The following ZCWPW2 variants were observed in gnomAD, a reference collection of about 807,000 sequenced individuals.
ZCWPW2 encodes the protein zinc finger CW-type PWWP domain protein 2.
In ZCWPW2, 45 loss-of-function variants were observed where a neutral mutation model predicts 46.6. The observed-to-expected ratio is 0.96, with a 90% CI of 0.76 to 1.24. The LOEUF (loss-of-function observed/expected upper bound fraction) is 1.24, where lower values mean the gene tolerates loss of function less well. Ranked by LOEUF, ZCWPW2 falls within the 50% of genes most tolerant of loss-of-function variation. ZCWPW2 has a pLI of 0.00. For synonymous variants in ZCWPW2, 152 were observed against 137.1 expected (o/e 1.11, Z -0.76); for missense variants, 429 against 403.9 (o/e 1.06, Z -0.53).
chr3:28,363,881 T>C (rs1705028057), intron 1 of ZCWPW2, among the ~76,000 whole-genome samples: 2 of 152,166 alleles, frequency 1.3e-5, no homozygotes, highest in South Asian at 4.1e-4. Context: ...CATCTAGCCC[T>C]CTGTGGTGGT....
intron 1 of ZCWPW2, among the ~76,000 whole-genome samples, chr3:28,358,313 C>T (rs1704816373): frequency 6.6e-6 from 1 of 152,112 alleles, no homozygotes; most frequent in Admixed American, 6.5e-5. Flanking sequence ...GCCTCTTTCT[C>T]CACCAGCTCT....
chr3:28,417,725 A>C (rs2125745454), intron 3 of ZCWPW2, among the ~76,000 whole-genome samples: 1 of 110,850 alleles, frequency 9.0e-6, no homozygotes, highest in Non-Finnish European at 1.8e-5. Context: ...GAAAATCAAT[A>C]AACGTACTCC....
At chr3:28,349,936 T>C (rs1704476340) in intron 1 of ZCWPW2, among the ~76,000 whole-genome samples, 1 of 152,190 alleles carries the variant, frequency 6.6e-6, no homozygotes, top group Non-Finnish European at 1.5e-5. Context: ...TATTGTCTTT[T>C]TTGGTTTAGA....
chr3:28,436,703 A>G (rs978980923), intron 4 of ZCWPW2, among the ~76,000 whole-genome samples: 1 of 152,156 alleles, frequency 6.6e-6, no homozygotes, highest in African/African-American at 2.4e-5. Flanking sequence ...TAAGTATGGA[A>G]TAACACCATA....
At chr3:28,480,587 A>C (rs1699392189) in intron 5 of ZCWPW2, among the ~76,000 whole-genome samples, 1 of 152,288 alleles carries the variant, frequency 6.6e-6, no homozygotes, top group South Asian at 2.1e-4. Flanking sequence ...TGGTTTAATT[A>C]GATCACATTT....
intron 1 of ZCWPW2, among the ~76,000 whole-genome samples, chr3:28,367,804 A>T (rs946252913): frequency 1.3e-5 from 2 of 151,958 alleles, no homozygotes; most frequent in Non-Finnish European, 2.9e-5. Context: ...GTCTCTAAGG[A>T]CTTGCTTTAT....
chr3:28,355,797 A>G (rs1704709975), intron 1 of ZCWPW2, among the ~76,000 whole-genome samples: 1 of 152,268 alleles, frequency 6.6e-6, no homozygotes, highest in Non-Finnish European at 1.5e-5. Flanking sequence ...GGCTAGCCAT[A>G]TGTAAAAGCT....
At chr3:28,489,640 T>C (rs2125814598) in intron 5 of ZCWPW2, among the ~76,000 whole-genome samples, 1 of 146,770 alleles carries the variant, frequency 6.8e-6, no homozygotes, top group Admixed American at 7.1e-5. Flanking sequence ...TCTCTCTTTC[T>C]TTCTCTCTCT....
At chr3:28,501,924 T>A (rs1285689009) in intron 6 of ZCWPW2, among the ~76,000 whole-genome samples, 1 of 151,776 alleles carries the variant, frequency 6.6e-6, no homozygotes, top group Non-Finnish European at 1.5e-5. Flanking sequence ...AATATTTGTA[T>A]TTTTTTTGTA....
At chr3:28,394,989 T>C (rs1176386583) in intron 2 of ZCWPW2, among the ~76,000 whole-genome samples, 2 of 152,140 alleles carry the variant, frequency 1.3e-5, no homozygotes, top group African/African-American at 4.8e-5. Context: ...TGGGAGAAAG[T>C]ATTTGTAAGC....
At chr3:28,384,874 C>T (rs1027723854) in intron 1 of ZCWPW2, among the ~76,000 whole-genome samples, 15 of 152,146 alleles carry the variant, frequency 9.9e-5, no homozygotes, top group African/African-American at 3.6e-4. Context: ...CCTTGGCCTC[C>T]CAAAGTGTTG....
Position 28,374,177 on chromosome 3 carries a change from T to C in ZCWPW2, c.-133-16321T>C, listed in dbSNP as rs116262382. On this transcript the variant is annotated intron_variant, in intron 1 of 9. Coordinates refer to ENST00000383768, the MANE Select transcript of ZCWPW2 (RefSeq NM_001040432.4). ...TGATTTGATTCTTGTACATGGTGAG[T>C]GATAGGACACTAATTTTATTCTTTT... Among the ~76,000 whole-genome samples the C allele has an allele frequency of 4.4e-3, 666 of 152,250 alleles. 10 individuals are homozygous for C. The highest frequency in any genetic ancestry group is 0.015 in the African/African-American group (629 of 41,556).
intron 4 of ZCWPW2, among the ~76,000 whole-genome samples, chr3:28,454,158 A>T (rs933538506): frequency 6.6e-6 from 1 of 152,080 alleles, no homozygotes; most frequent in Non-Finnish European, 1.5e-5. Flanking sequence ...GTGTATATTT[A>T]TAATTGTATA....
At chr3:28,512,294 C>T (rs566404529) in intron 6 of ZCWPW2, among the ~76,000 whole-genome samples, 23 of 152,184 alleles carry the variant, frequency 1.5e-4, no homozygotes, top group African/African-American at 5.3e-4. Flanking sequence ...TCTTGTGCCT[C>T]AGCCTCCCAA....
intron 8 of ZCWPW2, among the ~76,000 whole-genome samples, chr3:28,517,373 C>T (rs1056819413): frequency 3.9e-5 from 6 of 152,172 alleles, no homozygotes; most frequent in Non-Finnish European, 7.3e-5. Context: ...TGCTTGGCTC[C>T]TGGGAGCCTT....
At chr3:28,462,592 G>A (rs1272446437) in intron 4 of ZCWPW2, among the ~76,000 whole-genome samples, 1 of 152,164 alleles carries the variant, frequency 6.6e-6, no homozygotes, top group Non-Finnish European at 1.5e-5. Flanking sequence ...TTGCAAATAT[G>A]AGGTAATATG....
chr3:28,455,345 T>G (rs1172726564), intron 4 of ZCWPW2, among the ~76,000 whole-genome samples: 1 of 152,226 alleles, frequency 6.6e-6, no homozygotes, highest in Non-Finnish European at 1.5e-5. Flanking sequence ...TGTTATTTTC[T>G]TATAAATTTG....
intron 3 of ZCWPW2, among the ~76,000 whole-genome samples, chr3:28,420,745 C>G (rs1351589054): frequency 2.0e-5 from 3 of 151,970 alleles, no homozygotes; most frequent in African/African-American, 7.2e-5. Flanking sequence ...ATATTAGACT[C>G]TACTGTAATC....
At chr3:28,397,928 A>G (rs747819431) in intron 2 of ZCWPW2, 1 of 152,152 alleles carries the variant, frequency 6.6e-6, no homozygotes, top group Admixed American at 6.5e-5. Context: ...CTGTTGTTCT[A>G]ATGAAGTTCT....
Sources: allele counts gnomAD v4.1 joint callset (sites outside exome capture counted in the v4.1 genomes callset), GRCh38; gene constraint gnomAD v4.1.1; transcripts MANE v1.5; gene names NCBI Gene and HGNC (gene_info 2026-07-23, HGNC 2026-07-21).